Variants in MID1 observed in about 807,000 individuals in gnomAD.
The protein encoded by MID1 is midline 1, also known as E3 ubiquitin-protein ligase Midline-1.
Under a neutral mutation model 40.4 loss-of-function variants are expected in MID1, and 7 were observed. The observed-to-expected ratio is 0.17, with a 90% CI of 0.10 to 0.33. The LOEUF is 0.33. MID1 is among the 10% of genes least tolerant of loss of function. The pLI is 1.00. For synonymous variants in MID1, 229 were observed against 221.2 expected, an observed-to-expected ratio of 1.04 and a Z score of -0.31; for missense variants, 367 against 558.5, an observed-to-expected ratio of 0.66 and a Z score of 3.46.
At chrX:10,809,765 C>A (rs981841408) in intron 1 of MID1, among the ~76,000 whole-genome samples, 44 of 76,414 alleles carry the variant, frequency 5.8e-4, no homozygotes, top group Non-Finnish European at 9.9e-4. Flanking sequence ...CACACTGGGG[C>A]CTGTTGTGGG....
At chrX:10,546,817 G>A (rs1933698516) in intron 2 of MID1, among the ~76,000 whole-genome samples, 1 of 111,975 alleles carries the variant, frequency 8.9e-6, no homozygotes, top group Admixed American at 9.5e-5. Context: ...AGCAAACTTA[G>A]GTGTTGCTGT....
intron 1 of MID1, among the ~76,000 whole-genome samples, chrX:10,762,593 C>T (rs1164878442): frequency 9.1e-6 from 1 of 110,459 alleles, no homozygotes; most frequent in Non-Finnish European, 1.9e-5. Flanking sequence ...GCCACTACAC[C>T]TGGCTAATTT....
At chrX:10,714,448 T>A (rs1321192169) in intron 1 of MID1, among the ~76,000 whole-genome samples, 1 of 112,323 alleles carries the variant, frequency 8.9e-6, no homozygotes, top group Non-Finnish European at 1.9e-5. Context: ...TATAGCTCAC[T>A]GTGGCCTGTG....
At chrX:10,532,161 C>G (rs1431959509) in intron 2 of MID1, among the ~76,000 whole-genome samples, 2 of 111,477 alleles carry the variant, frequency 1.8e-5, no homozygotes, top group Non-Finnish European at 3.8e-5. Context: ...CTGAATCCTT[C>G]TCAACACAGT....
At chrX:10,536,802 T>C (rs1933274475) in intron 2 of MID1, among the ~76,000 whole-genome samples, 1 of 112,425 alleles carries the variant, frequency 8.9e-6, no homozygotes, top group African/African-American at 3.2e-5. Flanking sequence ...AAGCAATTGC[T>C]CTGCTTCTCT....
At chrX:10,793,509 T>C (rs1269253075) in intron 1 of MID1, among the ~76,000 whole-genome samples, 1 of 112,105 alleles carries the variant, frequency 8.9e-6, no homozygotes, top group Non-Finnish European at 1.9e-5. Context: ...AATGTCGCCA[T>C]CCCGATTTCA....
At chrX:10,808,778 A>G (rs751022696) in intron 1 of MID1, among the ~76,000 whole-genome samples, 1 of 111,954 alleles carries the variant, frequency 8.9e-6, no homozygotes, top group East Asian at 2.8e-4. Context: ...AAATTAATTC[A>G]AGATGGATTA....
At chrX:10,643,369 C>G (rs1277887463) in intron 1 of MID1, among the ~76,000 whole-genome samples, 3 of 111,903 alleles carry the variant, frequency 2.7e-5, no homozygotes, top group Non-Finnish European at 5.6e-5. Flanking sequence ...TGAACAGACA[C>G]TTCTCAAAAG....
intron 1 of MID1, among the ~76,000 whole-genome samples, chrX:10,732,194 G>A (rs1480161671): frequency 9.0e-6 from 1 of 110,583 alleles, no homozygotes; most frequent in Non-Finnish European, 1.9e-5. Flanking sequence ...ATATACCATA[G>A]TCAGTGCAAT....
chrX:10,672,113 T>A (rs1489762975), intron 1 of MID1, among the ~76,000 whole-genome samples: 2 of 110,013 alleles, frequency 1.8e-5, no homozygotes, highest in African/African-American at 6.6e-5. Context: ...TAGTCCCAGC[T>A]ACTCAGGAGG....
intron 1 of MID1, among the ~76,000 whole-genome samples, chrX:10,700,410 G>A (rs981060152): frequency 9.1e-6 from 1 of 110,290 alleles, no homozygotes; most frequent in Non-Finnish European, 1.9e-5. Flanking sequence ...AAATTAGCCG[G>A]CCATGGTGGC....
At chrX:10,574,075 G>A (rs1018478460) in intron 1 of MID1, among the ~76,000 whole-genome samples, 20 of 111,424 alleles carry the variant, frequency 1.8e-4, no homozygotes, top group Non-Finnish European at 3.8e-4. Context: ...CAGAGCTTGT[G>A]AATATTTTAG....
chrX:10,532,583 G>A (rs1933012436), intron 2 of MID1, among the ~76,000 whole-genome samples: 1 of 111,718 alleles, frequency 9.0e-6, no homozygotes, highest in African/African-American at 3.3e-5. Context: ...CTACTTGCCA[G>A]TTAAGAATTA....
Position 10,518,092 on chromosome X carries a change from A to C in MID1, c.756+5000T>G, listed in dbSNP as rs183425429. ...TAACTGTCCACAGGCAAAAATGTAC[A>C]TCCCCTCCCAGAAATATTTGTTTAG... On this transcript the variant is annotated intron_variant, in intron 3 of 9. Coordinates refer to ENST00000317552, the MANE Select transcript of MID1 (RefSeq NM_000381.4). Among the ~76,000 whole-genome samples the C allele has an allele frequency of 2.1e-4, 23 of 112,133 alleles. No homozygotes were observed. In the East Asian group the frequency reaches 6.2e-3, roughly 30 times the overall value.
At chrX:10,547,160 G>A (rs1183620576) in intron 2 of MID1, among the ~76,000 whole-genome samples, 2 of 111,943 alleles carry the variant, frequency 1.8e-5, no homozygotes, top group Non-Finnish European at 3.8e-5. Context: ...GGGCATGGTG[G>A]CACATGCCTG....
chrX:10,808,648 C>T (rs1046286915), intron 1 of MID1, among the ~76,000 whole-genome samples: 2 of 111,084 alleles, frequency 1.8e-5, no homozygotes, highest in Admixed American at 1.9e-4. Context: ...AGAAGCTCCA[C>T]TCTGACTGAC....
chrX:10,765,158 T>C (rs2043711809), intron 1 of MID1, among the ~76,000 whole-genome samples: 1 of 112,051 alleles, frequency 8.9e-6, no homozygotes, highest in Non-Finnish European at 1.9e-5. Flanking sequence ...GAAGTATTCA[T>C]GTGTGAGCCC....
At chrX:10,455,243 T>TTAAACATTATAA (rs1928588219) in intron 8 of MID1, among the ~76,000 whole-genome samples, 166 bp from the exon 9 acceptor site, 1 of 112,056 alleles carries the variant, frequency 8.9e-6, no homozygotes, top group Non-Finnish European at 1.9e-5. Context: ...TAATAGTAAT[T>TTAAACATTATAA]TAAACATTAT....
intron 3 of MID1, chrX:10,505,589 C>T (rs1931789264): frequency 4.0e-6 from 3 of 752,186 alleles, no homozygotes; most frequent in African/African-American, 2.3e-5. Flanking sequence ...TGAAAAGTAG[C>T]GATTTCTATT....
Sources: gnomAD v4.1 joint callset for allele counts (sites outside exome capture counted in the v4.1 genomes callset) on GRCh38, gnomAD v4.1.1 for gene constraint, MANE v1.5 for transcripts, NCBI Gene and HGNC (gene_info 2026-07-23, HGNC 2026-07-21) for gene names.